The following SPAG16 variants were observed in gnomAD, a reference collection of about 807,000 sequenced individuals.
SPAG16 encodes the protein sperm-associated antigen 16 protein.
SPAG16 carries 86 observed loss-of-function variants against 80.4 expected under a neutral mutation model. The observed-to-expected ratio is 1.07, with a 90% CI of 0.90 to 1.28. The LOEUF is 1.28. Ranked by LOEUF, SPAG16 falls within the 50% of genes most tolerant of loss-of-function variation. The pLI is 0.00. For synonymous variants in SPAG16, 294 were observed against 265.9 expected (o/e 1.11, Z -1.03); for missense variants, 870 against 765.3 (o/e 1.14, Z -1.61).
intron 15 of SPAG16, among the ~76,000 whole-genome samples, chr2:214,230,983 A>C (rs897153990): frequency 1.3e-5 from 2 of 151,994 alleles, no homozygotes; most frequent in Non-Finnish European, 2.9e-5. Context: ...CAAAGATCTT[A>C]AATTGGAAGC....
intron 15 of SPAG16, among the ~76,000 whole-genome samples, chr2:214,268,065 A>G (rs778139624): frequency 6.6e-6 from 1 of 151,994 alleles, no homozygotes; most frequent in East Asian, 1.9e-4. Context: ...CAACAGATAC[A>G]TGAGAAAATG....
intron 15 of SPAG16, among the ~76,000 whole-genome samples, chr2:214,207,550 C>T (rs1310509766): frequency 1.3e-5 from 2 of 152,096 alleles, no homozygotes; most frequent in Non-Finnish European, 2.9e-5. Context: ...TCATTGATTT[C>T]TCATGCTTAT....
chr2:213,821,530 C>T (rs2072933686), intron 10 of SPAG16, among the ~76,000 whole-genome samples: 1 of 152,096 alleles, frequency 6.6e-6, no homozygotes, highest in African/African-American at 2.4e-5. Flanking sequence ...TCCATTCTTT[C>T]AAGCCTTCAT....
At chr2:214,254,305 A>G (rs1029888749) in intron 15 of SPAG16, among the ~76,000 whole-genome samples, 2 of 152,124 alleles carry the variant, frequency 1.3e-5, no homozygotes, top group African/African-American at 2.4e-5. Context: ...TGCCCTGGCC[A>G]GAACTTCCAA....
intron 15 of SPAG16, among the ~76,000 whole-genome samples, chr2:214,346,642 G>A (rs73087078): frequency 0.025 from 3,877 of 152,268 alleles, 165 homozygotes; most frequent in African/African-American, 0.088. Flanking sequence ...CCATGCATTA[G>A]CCACATTGCT....
chr2:213,317,802 G>C (rs2063462130), intron 5 of SPAG16: 4 of 878,744 alleles, frequency 4.6e-6, no homozygotes, highest in Non-Finnish European at 5.5e-6. Context: ...GGGTGATAAT[G>C]ATATGTAGGT....
At chr2:214,026,968 C>T (rs916009409) in intron 13 of SPAG16, among the ~76,000 whole-genome samples, 12 of 151,542 alleles carry the variant, frequency 7.9e-5, no homozygotes, top group African/African-American at 2.9e-4. Context: ...CTATCTAAAT[C>T]TTGTATATCT....
chr2:213,759,211 G>A lies in SPAG16; in HGVS notation c.1071-103274G>A, dbSNP rs1233382197. On this transcript the variant is annotated intron_variant, in intron 10 of 15. Transcript: ENST00000331683. ...AGAAGACACTAGACAGTAACTTGAA[G>A]TTGTGTAAAGAAATAAAGATCTTAA... is the stretch of plus-strand genomic sequence containing the variant. 2.0e-5 allele frequency among the ~76,000 whole-genome samples: 3 copies of A among 152,080 alleles called. No homozygotes were observed. The East Asian group carries it at 5.8e-4, about 29-fold the overall frequency.
intron 15 of SPAG16, among the ~76,000 whole-genome samples, chr2:214,168,086 G>A (rs2056733612): frequency 1.3e-5 from 2 of 150,418 alleles, no homozygotes; most frequent in African/African-American, 4.9e-5. Flanking sequence ...GTCTCCCGAG[G>A]TCAAAGGATT....
intron 15 of SPAG16, among the ~76,000 whole-genome samples, chr2:214,249,390 G>A (rs1690086760): frequency 6.6e-6 from 1 of 151,922 alleles, no homozygotes; most frequent in South Asian, 2.1e-4. Flanking sequence ...ACCCACAGAT[G>A]TACACTAGAA....
intron 11 of SPAG16, among the ~76,000 whole-genome samples, chr2:213,927,306 T>C (rs1024713803): frequency 1.3e-5 from 2 of 152,224 alleles, no homozygotes; most frequent in African/African-American, 4.8e-5. Context: ...TAACATTCAC[T>C]TGTGCTCTTT....
At chr2:213,691,539 C>T (rs892288826) in intron 10 of SPAG16, among the ~76,000 whole-genome samples, 1 of 152,064 alleles carries the variant, frequency 6.6e-6, no homozygotes, top group African/African-American at 2.4e-5. Flanking sequence ...ACATGAGAAA[C>T]TGTAAGTGAG....
At position 214,059,747 on chromosome 2, in the gene SPAG16, A is replaced by AT. The variant is rs11313038; in HGVS notation, c.1527+45681dup. 2.8e-3 allele frequency among the ~76,000 whole-genome samples: 418 copies of AT among 148,304 alleles called. 1 individual carries two copies. Among genetic ancestry groups the AT allele is most frequent in the Middle Eastern group, 0.014 (4 of 288 alleles). ...CAGGTTACTTATACCCTTTAAGGTT[A>AT]TTTTTTTTTTTGCCATATTTTCATT... On this transcript the variant is annotated intron_variant, in intron 13 of 15. Coordinates refer to ENST00000331683, the MANE Select transcript of SPAG16 (RefSeq NM_024532.5).
chr2:213,592,564 G>A (rs901012253), intron 10 of SPAG16, among the ~76,000 whole-genome samples: 4 of 152,052 alleles, frequency 2.6e-5, no homozygotes, highest in African/African-American at 9.7e-5. Context: ...AAAACATCCC[G>A]CAATCTTAAC....
chr2:213,484,697 A>C (rs974832174), intron 9 of SPAG16, among the ~76,000 whole-genome samples: 1 of 152,194 alleles, frequency 6.6e-6, no homozygotes, highest in Non-Finnish European at 1.5e-5. Context: ...GTCAGTGATT[A>C]ATTATCATTT....
At chr2:213,675,270 A>G (rs1220517894) in intron 10 of SPAG16, among the ~76,000 whole-genome samples, 1 of 152,068 alleles carries the variant, frequency 6.6e-6, no homozygotes, top group Admixed American at 6.5e-5. Flanking sequence ...AGTTCATTGT[A>G]GATTCTGGAT....
At chr2:213,874,478 A>G (rs1050016882) in intron 11 of SPAG16, among the ~76,000 whole-genome samples, 3 of 152,134 alleles carry the variant, frequency 2.0e-5, no homozygotes, top group African/African-American at 7.2e-5. Flanking sequence ...GGTCAGGATC[A>G]TTAATATCAC....
chr2:214,410,378 C>A lies in SPAG16; in HGVS notation c.*63C>A. On this transcript the variant is annotated 3_prime_UTR_variant, in exon 16 of 16. Coordinates refer to ENST00000331683, the MANE Select transcript of SPAG16 (RefSeq NM_024532.5). ...AGGCTTGAAAATGCCTCCTGTAGTC[C>A]CAAACCAGCAAAGAACTGGTTAAAT... 1 of 1,464,104 alleles carries A rather than the reference C, an allele frequency of 6.8e-7. No homozygotes were observed. The highest frequency in any genetic ancestry group is 2.1e-4 in the Middle Eastern group (1 of 4,826). 90.7% of individuals were successfully genotyped at this position (1,464,104 alleles called of 1,614,324 possible).
At chr2:213,629,781 T>C (rs932147379) in intron 10 of SPAG16, among the ~76,000 whole-genome samples, 14 of 152,220 alleles carry the variant, frequency 9.2e-5, no homozygotes, top group African/African-American at 3.1e-4. Flanking sequence ...GATTGAATTA[T>C]TGGAAGGGAG....
Sources: allele counts gnomAD v4.1 joint callset (sites outside exome capture counted in the v4.1 genomes callset), GRCh38; gene constraint gnomAD v4.1.1; transcripts MANE v1.5; gene names NCBI Gene and HGNC (gene_info 2026-07-23, HGNC 2026-07-21).